LUZP2: variants seen among roughly 807,000 people sequenced by gnomAD.
The protein encoded by LUZP2 is leucine zipper protein 2.
LUZP2 carries 52 observed loss-of-function variants against 51.6 expected under a neutral mutation model. The observed-to-expected ratio is 1.01, with a 90% confidence interval of 0.81 to 1.27. LUZP2 has a LOEUF of 1.27. LUZP2 is among the 50% of genes most tolerant of loss of function. LUZP2 has a pLI of 0.00. For synonymous variants in LUZP2, 154 were observed against 137.3 expected (o/e 1.12, Z -0.85); for missense variants, 436 against 395.4 (o/e 1.10, Z -0.87).
chr11:24,608,676 G>A (rs1177119811), intron 1 of LUZP2, among the ~76,000 whole-genome samples: 1 of 151,982 alleles, frequency 6.6e-6, no homozygotes, highest in Non-Finnish European at 1.5e-5. Flanking sequence ...TTATACATAT[G>A]CACACACACA....
chr11:24,622,521 C>A (rs1189983363), intron 1 of LUZP2, among the ~76,000 whole-genome samples: 1 of 152,080 alleles, frequency 6.6e-6, no homozygotes, highest in African/African-American at 2.4e-5. Context: ...TCCTCACAAA[C>A]TTTATTCAGG....
intron 5 of LUZP2, among the ~76,000 whole-genome samples, chr11:24,797,933 A>C (rs1347847595): frequency 6.6e-6 from 1 of 152,166 alleles, no homozygotes; most frequent in African/African-American, 2.4e-5. Context: ...TTTGTGAGAG[A>C]AAATAATTAG....
intron 5 of LUZP2, among the ~76,000 whole-genome samples, chr11:24,783,906 G>C (rs1180067654): frequency 6.6e-6 from 1 of 151,922 alleles, no homozygotes; most frequent in African/African-American, 2.4e-5. Flanking sequence ...GTCTACCTTT[G>C]TTGCTGTTGC....
rs149992291 is a variant in LUZP2, at chr11:24,775,108, G to A, written c.396+11800G>A. Among the ~76,000 whole-genome samples, 411 of 152,004 alleles carry A rather than the reference G, an allele frequency of 2.7e-3. 2 individuals are homozygous for A. Among genetic ancestry groups the A allele is most frequent in the Middle Eastern group, 0.01 (3 of 292 alleles). ...GCGTTTTACAATATAACCTGGAAAG[G>A]GGGAAGATGACGACAATAACCCAGA... On this transcript the variant is annotated intron_variant, in intron 5 of 11. Coordinates refer to ENST00000336930, the MANE Select transcript of LUZP2 (RefSeq NM_001009909.4).
At chr11:24,774,332 T>TTCTCTCTCTCTCTCTCTCTCTCTCTCTC (rs374302170) in intron 5 of LUZP2, among the ~76,000 whole-genome samples, 3 of 41,926 alleles carry the variant, frequency 7.2e-5, no homozygotes, top group African/African-American at 2.8e-4. Context: ...CTTAGTAAAC[T>TTCTCTCTCTCTCTCTCTCTCTCTCTCTC]TCTCTCTCTC....
Position 24,611,349 on chromosome 11 carries a change from C to A in LUZP2, c.62+114044C>A, listed in dbSNP as rs1004569853. ...AATGTATATATCTAATTCATTTGAT[C>A]TTCATAAAATTAACTGAGATAAGTA... is the stretch of plus-strand genomic sequence containing the variant. On this transcript the variant is annotated intron_variant, in intron 1 of 11. Coordinates refer to ENST00000336930, the MANE Select transcript of LUZP2 (RefSeq NM_001009909.4). This position sits in a 1 kb window ranked among gnomAD's most constrained non-coding sequence, Gnocchi z 4.6. 6.6e-6 allele frequency among the ~76,000 whole-genome samples: 1 copy of A among 151,890 alleles called. No homozygotes were observed. Among genetic ancestry groups the A allele is most frequent in the Non-Finnish European group, 1.5e-5 (1 of 67,992 alleles).
At chr11:24,861,923 A>G (rs1463758261) in intron 5 of LUZP2, among the ~76,000 whole-genome samples, 1 of 151,912 alleles carries the variant, frequency 6.6e-6, no homozygotes. Context: ...GTTTATGATA[A>G]ATTCCCCTAC....
Position 24,497,226 on chromosome 11 carries a change from A to AC in LUZP2, c.-14dup. On this transcript the variant is annotated 5_prime_UTR_variant, in exon 1 of 12. Transcript: ENST00000336930. ...GAGAGAAGGCAGCGAGGGAAGGAGGACCCCGGCAGGCAGCAGCATGAAATT... is the reference window on the plus strand; with the variant it reads ...GAGAGAAGGCAGCGAGGGAAGGAGGACCCCCGGCAGGCAGCAGCATGAAATT... 1.3e-6 allele frequency: 2 copies of AC among 1,522,562 alleles called. No individual in the cohort carries two copies. The highest frequency in any genetic ancestry group is 2.5e-5 in the South Asian group (2 of 80,314). The allele number at this position is 1,522,562 out of a possible 1,614,324, so 94.3% of individuals were successfully genotyped here. A position where few individuals can be genotyped will look rare whatever the true frequency, so the allele number is the denominator to read the frequency against.
intron 9 of LUZP2, among the ~76,000 whole-genome samples, chr11:25,007,631 A>AAAACAAACC (rs1856870224): frequency 6.6e-6 from 1 of 152,018 alleles, no homozygotes; most frequent in Non-Finnish European, 1.5e-5. Flanking sequence ...AAAACAAAAC[A>AAAACAAACC]AAACAACACT....
At chr11:24,942,567 A>AT (rs1168681709) in intron 7 of LUZP2, among the ~76,000 whole-genome samples, 1 of 151,822 alleles carries the variant, frequency 6.6e-6, no homozygotes, top group Non-Finnish European at 1.5e-5. Flanking sequence ...TTTATATTGG[A>AT]TTTTTTGTTT....
At chr11:24,896,214 C>A (rs952662267) in intron 5 of LUZP2, among the ~76,000 whole-genome samples, 1 of 152,240 alleles carries the variant, frequency 6.6e-6, no homozygotes, top group Non-Finnish European at 1.5e-5. Context: ...CAGTCCGCCA[C>A]TGCACTGTGG....
At chr11:25,060,443 TC>T (rs1225994306) in intron 10 of LUZP2, among the ~76,000 whole-genome samples, 7 of 152,170 alleles carry the variant, frequency 4.6e-5, no homozygotes, top group South Asian at 4.1e-4. Context: ...CAACGCCTTA[TC>T]CCATTACCTT....
intron 1 of LUZP2, among the ~76,000 whole-genome samples, chr11:24,548,748 A>G (rs929647338): frequency 6.6e-6 from 1 of 152,044 alleles, no homozygotes; most frequent in Non-Finnish European, 1.5e-5. Flanking sequence ...AGAAAATAAC[A>G]TGAAGGGAGA....
chr11:24,857,192 A>ACATTATTT (rs1169484498), intron 5 of LUZP2, among the ~76,000 whole-genome samples: 1 of 151,408 alleles, frequency 6.6e-6, no homozygotes, highest in Non-Finnish European at 1.5e-5. Flanking sequence ...ACAAGATTGT[A>ACATTATTT]CATTATTTTT....
At chr11:24,520,068 A>C (rs1850594923) in intron 1 of LUZP2, among the ~76,000 whole-genome samples, 1 of 152,190 alleles carries the variant, frequency 6.6e-6, no homozygotes. Context: ...TGTGATTTTT[A>C]AAATGGCATA....
intron 7 of LUZP2, among the ~76,000 whole-genome samples, chr11:24,929,120 C>G (rs1854369928): frequency 6.6e-6 from 1 of 151,810 alleles, no homozygotes; most frequent in Admixed American, 6.6e-5. Flanking sequence ...TGGATTGTCT[C>G]TTCTTGGTTA....
At chr11:24,743,397 C>A (rs576485573) in intron 4 of LUZP2, among the ~76,000 whole-genome samples, 11 of 151,838 alleles carry the variant, frequency 7.2e-5, no homozygotes, top group Non-Finnish European at 1.5e-5. Context: ...CTTGTAGAAG[C>A]CTTTTGCCTC....
At chr11:24,742,633 A>C (rs1859224975) in intron 4 of LUZP2, among the ~76,000 whole-genome samples, 1 of 152,114 alleles carries the variant, frequency 6.6e-6, no homozygotes, top group Admixed American at 6.6e-5. Context: ...ATTTTCTTCC[A>C]ATCTGTGTGT....
chr11:24,539,614 C>A (rs550858882), intron 1 of LUZP2, among the ~76,000 whole-genome samples: 2 of 151,830 alleles, frequency 1.3e-5, no homozygotes, highest in African/African-American at 2.4e-5. Context: ...CTCAGAAACT[C>A]GTTGAATATT....
Sources: gnomAD v4.1 joint callset for allele counts (sites outside exome capture counted in the v4.1 genomes callset) on GRCh38, gnomAD v4.1.1 for gene constraint, Gnocchi (gnomAD v3.1) non-coding constraint, MANE v1.5 for transcripts, NCBI Gene and HGNC (gene_info 2026-07-23, HGNC 2026-07-21) for gene names.